Variants in FOXP2 observed in about 807,000 individuals in gnomAD.
FOXP2 encodes the protein forkhead box protein P2.
A neutral mutation model predicts 115.8 loss-of-function variants in FOXP2; 12 were observed. The ratio of observed to expected loss-of-function variants is 0.10; its 90% CI spans 0.07 to 0.17. The LOEUF is 0.17. Ranked by LOEUF, FOXP2 falls within the 10% of genes least tolerant of loss-of-function variation. FOXP2 has a pLI of 1.00. For missense variants in FOXP2, 629 were observed against 843.5 expected (o/e 0.75, Z 3.15); for synonymous variants, 328 against 297.7 (o/e 1.10, Z -1.05).
At chr7:114,333,716 C>T (rs979194573) in intron 2 of FOXP2, among the ~76,000 whole-genome samples, 2 of 152,058 alleles carry the variant, frequency 1.3e-5, no homozygotes, top group South Asian at 2.1e-4. Context: ...GTGAAACCCC[C>T]GTCTCTAGTA....
At chr7:114,266,031 A>G (rs983379834) in intron 1 of FOXP2, among the ~76,000 whole-genome samples, 4 of 151,984 alleles carry the variant, frequency 2.6e-5, no homozygotes, top group African/African-American at 9.7e-5. Context: ...GAAATGCCCT[A>G]GTAGCTTTTT....
At chr7:114,503,532 A>G (rs1300511054) in intron 2 of FOXP2, among the ~76,000 whole-genome samples, 3 of 151,302 alleles carry the variant, frequency 2.0e-5, no homozygotes, top group African/African-American at 7.3e-5. Context: ...TGCTCTATCA[A>G]CATCAAGGAT....
intron 3 of FOXP2, among the ~76,000 whole-genome samples, chr7:114,599,892 C>G (rs1802929554): frequency 6.6e-6 from 1 of 152,072 alleles, no homozygotes; most frequent in Non-Finnish European, 1.5e-5. Context: ...TTTTGGTTTA[C>G]AGAAGAATTA....
chr7:114,619,604 A>G (rs997195427), intron 3 of FOXP2, among the ~76,000 whole-genome samples: 1 of 152,052 alleles, frequency 6.6e-6, no homozygotes, highest in African/African-American at 2.4e-5. Context: ...TATGAAATGT[A>G]TTAGGCCATT....
chr7:114,255,940 G>T (rs192662224), intron 1 of FOXP2, among the ~76,000 whole-genome samples: 5 of 152,200 alleles, frequency 3.3e-5, no homozygotes, highest in African/African-American at 9.6e-5. Context: ...GAACCGCCCC[G>T]GTTCTAGGTC....
At chr7:114,581,357 T>C (rs1177243830) in intron 3 of FOXP2, among the ~76,000 whole-genome samples, 1 of 151,922 alleles carries the variant, frequency 6.6e-6, no homozygotes, top group Non-Finnish European at 1.5e-5. Flanking sequence ...CTAATTATTG[T>C]ATTTTTTGTA....
intron 2 of FOXP2, among the ~76,000 whole-genome samples, chr7:114,390,671 C>T (rs1268619476): frequency 6.6e-6 from 1 of 152,062 alleles, no homozygotes; most frequent in East Asian, 1.9e-4. Flanking sequence ...CCTCCCACCT[C>T]AGCCTCCTGA....
chr7:114,362,310 C>A (rs1347772324), intron 2 of FOXP2, among the ~76,000 whole-genome samples: 2 of 151,936 alleles, frequency 1.3e-5, no homozygotes, highest in African/African-American at 4.8e-5. Context: ...ATGCTTAGGA[C>A]AAATGTTGTG....
At chr7:114,656,275 T>C (rs766597144) in intron 10 of FOXP2, among the ~76,000 whole-genome samples, 2 of 152,120 alleles carry the variant, frequency 1.3e-5, no homozygotes, top group Non-Finnish European at 2.9e-5. Flanking sequence ...TTGTTCTGGT[T>C]TGCAATTCTA....
At chr7:114,396,141 A>G (rs1792731907) in intron 2 of FOXP2, among the ~76,000 whole-genome samples, 1 of 151,758 alleles carries the variant, frequency 6.6e-6, no homozygotes, top group African/African-American at 2.4e-5. Flanking sequence ...CCCATTAACT[A>G]TCTCATCTTC....
At chr7:114,103,336 T>G (rs1468377120) in intron 1 of FOXP2, among the ~76,000 whole-genome samples, 1 of 152,086 alleles carries the variant, frequency 6.6e-6, no homozygotes, top group Admixed American at 6.6e-5. Context: ...AGCCAGATAA[T>G]GAGGTTTTCT....
Position 114,448,742 on chromosome 7 carries a change from G to A in FOXP2, c.168+22063G>A, listed in dbSNP as rs556028165. 2.0e-5 allele frequency among the ~76,000 whole-genome samples: 3 copies of A among 152,196 alleles called. No homozygotes were observed. In the South Asian group the frequency reaches 6.2e-4, roughly 32 times the overall value. On this transcript the variant is annotated intron_variant, in intron 2 of 16. Transcript: ENST00000350908. The stretch of plus-strand genomic sequence containing the variant: ...TGAGGGTAAACTCGGTATTTAATTA[G>A]TACCACAAACCTTCCTGCCATTTTC...
chr7:114,600,394 G>A (rs945856789), intron 3 of FOXP2, among the ~76,000 whole-genome samples: 24 of 152,146 alleles, frequency 1.6e-4, no homozygotes, highest in African/African-American at 5.3e-4. Flanking sequence ...TTATGTGGAT[G>A]TATCAGTTTG....
chr7:114,114,414 A>T (rs1018264437), intron 1 of FOXP2, among the ~76,000 whole-genome samples: 4 of 152,042 alleles, frequency 2.6e-5, no homozygotes, highest in African/African-American at 9.7e-5. Flanking sequence ...ACCACGTTCC[A>T]GCAACAGATT....
intron 1 of FOXP2, among the ~76,000 whole-genome samples, chr7:114,242,686 G>A (rs1040556844): frequency 3.3e-5 from 5 of 152,166 alleles, no homozygotes; most frequent in Middle Eastern, 3.4e-3. Context: ...TCACTAGAAC[G>A]TTTCTCTCTA....
chr7:114,266,883 A>T (rs1795908296), intron 1 of FOXP2, among the ~76,000 whole-genome samples: 1 of 152,202 alleles, frequency 6.6e-6, no homozygotes, highest in Non-Finnish European at 1.5e-5. Flanking sequence ...ATGTAGTGCC[A>T]ACTGTGAGCT....
In FOXP2 at chr7:114,391,389, G is replaced by C. The variant is rs562669437; in HGVS notation, c.-10-35113G>C. ...ATTCCTGGTTTAAAATTTTTTCTAA[G>C]TATTTTACTCAAGATGTGCCTATAC... On this transcript the variant is annotated intron_variant, in intron 2 of 17. Coordinates refer to the FOXP2 transcript ENST00000634411. 2.0e-5 allele frequency among the ~76,000 whole-genome samples: 3 copies of C among 152,232 alleles called. No homozygotes were observed. The South Asian group carries it at 6.2e-4, about 32-fold the overall frequency.
chr7:114,470,690 A>G (rs907803737), intron 2 of FOXP2, among the ~76,000 whole-genome samples: 1 of 152,030 alleles, frequency 6.6e-6, no homozygotes, highest in Non-Finnish European at 1.5e-5. Flanking sequence ...TTGCTTTCCT[A>G]TGGCTTTAAA....
chr7:114,489,050 A>G (rs1796917745), intron 2 of FOXP2, among the ~76,000 whole-genome samples: 1 of 152,134 alleles, frequency 6.6e-6, no homozygotes, highest in Non-Finnish European at 1.5e-5. Context: ...ATTTCAGATC[A>G]TTTTGTCAGT....
Sources: gnomAD v4.1 joint callset for allele counts (sites outside exome capture counted in the v4.1 genomes callset) on GRCh38, gnomAD v4.1.1 for gene constraint, MANE v1.5 for transcripts, NCBI Gene and HGNC (gene_info 2026-07-23, HGNC 2026-07-21) for gene names.